Variants in RAD51B observed in about 807,000 individuals in gnomAD.
RAD51B encodes RAD51 paralog B.
In RAD51B, 38 loss-of-function variants were observed where a neutral mutation model predicts 42.2. That is an observed-to-expected ratio of 0.90 (90% CI 0.70 to 1.18). The LOEUF (loss-of-function observed/expected upper bound fraction) is 1.18, where lower values mean the gene tolerates loss of function less well. RAD51B is among the 50% of genes most tolerant of loss of function. The pLI is 0.00. For missense variants in RAD51B, 373 were observed against 400.7 expected (o/e 0.93, Z 0.59); for synonymous variants, 154 against 145.2 (o/e 1.06, Z -0.43).
chr14:68,337,675 C>T (rs2082485182), intron 8 of RAD51B, among the ~76,000 whole-genome samples: 1 of 152,192 alleles, frequency 6.6e-6, no homozygotes, highest in African/African-American at 2.4e-5. Flanking sequence ...GGGGACAGAG[C>T]AGGGGTATTT....
At chr14:68,480,768 G>A (rs1883116257), downstream of RAD51B, among the ~76,000 whole-genome samples, 2 of 152,054 alleles carry the variant, frequency 1.3e-5, no homozygotes, top group South Asian at 4.1e-4. Context: ...CTCTTTCCTT[G>A]TTTTTCTCAA....
chr14:67,848,794 T>G (rs1308440322), intron 4 of RAD51B, among the ~76,000 whole-genome samples: 1 of 152,194 alleles, frequency 6.6e-6, no homozygotes, highest in African/African-American at 2.4e-5. Flanking sequence ...ACAAATTCCC[T>G]CAGTGTTTTC....
intron 7 of RAD51B, among the ~76,000 whole-genome samples, chr14:68,164,588 G>A (rs1216051848): frequency 1.3e-5 from 2 of 152,166 alleles, no homozygotes; most frequent in Admixed American, 6.5e-5. Flanking sequence ...GAGTGTGGTG[G>A]GAACCAGCCA....
At chr14:68,481,179 T>C (rs536608278), downstream of RAD51B, among the ~76,000 whole-genome samples, 2 of 152,366 alleles carry the variant, frequency 1.3e-5, no homozygotes, top group South Asian at 2.1e-4. Context: ...AACCTTGAGA[T>C]AGGTGAGGAA....
At chr14:68,303,622 G>A (rs965412188) in intron 8 of RAD51B, among the ~76,000 whole-genome samples, 3 of 152,182 alleles carry the variant, frequency 2.0e-5, no homozygotes, top group African/African-American at 7.2e-5. Flanking sequence ...TTGGGGTGGG[G>A]TTAGCCCTAA....
downstream of RAD51B, among the ~76,000 whole-genome samples, chr14:68,481,090 C>T (rs538762602): frequency 6.6e-6 from 1 of 152,294 alleles, no homozygotes; most frequent in South Asian, 2.1e-4. Flanking sequence ...TAGGTACTTT[C>T]AGTTTAAAAC....
At chr14:68,209,817 T>G (rs1415412346) in intron 7 of RAD51B, among the ~76,000 whole-genome samples, 1 of 152,182 alleles carries the variant, frequency 6.6e-6, no homozygotes, top group East Asian at 1.9e-4. Flanking sequence ...ATTTTCTTCC[T>G]CCTGCTAATC....
chr14:68,447,015 G>T (rs1354738139), intron 9 of RAD51B, among the ~76,000 whole-genome samples: 5 of 152,106 alleles, frequency 3.3e-5, no homozygotes, highest in African/African-American at 4.8e-5. Flanking sequence ...TCAGGAGTTC[G>T]AGACCAGCCT....
chr14:67,920,701 A>G (rs867181219), intron 7 of RAD51B, among the ~76,000 whole-genome samples: 5 of 152,184 alleles, frequency 3.3e-5, no homozygotes, highest in African/African-American at 7.2e-5. Context: ...CATTGATGGC[A>G]TATGTGCTGT....
intron 7 of RAD51B, among the ~76,000 whole-genome samples, chr14:68,050,793 G>T: frequency 1.3e-5 from 2 of 151,960 alleles, no homozygotes; most frequent in African/African-American, 2.4e-5. Context: ...TTTATTATAT[G>T]CAAATACATT....
chr14:68,518,875 C>T (rs536771324), intron 10 of RAD51B, among the ~76,000 whole-genome samples: 10 of 152,194 alleles, frequency 6.6e-5, no homozygotes, highest in East Asian at 1.9e-4. Flanking sequence ...ATTCAAAAAA[C>T]GAAGGATTTA....
At chr14:68,456,869 A>ATT (rs71129889) in intron 9 of RAD51B, among the ~76,000 whole-genome samples, 7 of 66,456 alleles carry the variant, frequency 1.1e-4, no homozygotes, top group Non-Finnish European at 2.1e-4. Context: ...CAATGGAATG[A>ATT]TTTTTTTTTT....
At chr14:68,143,799 GTA>G (rs1166425847) in intron 7 of RAD51B, among the ~76,000 whole-genome samples, 2 of 151,972 alleles carry the variant, frequency 1.3e-5, no homozygotes, top group African/African-American at 4.8e-5. Flanking sequence ...TGGTGGAAGG[GTA>G]TTGTAAGTGT....
At chr14:68,122,881 G>T (rs959157102) in intron 7 of RAD51B, among the ~76,000 whole-genome samples, 2 of 152,060 alleles carry the variant, frequency 1.3e-5, no homozygotes, top group East Asian at 3.8e-4. Context: ...CAGTGGTAAT[G>T]GAACAAAATC....
intron 10 of RAD51B, among the ~76,000 whole-genome samples, chr14:68,623,464 G>A (rs1243836619): frequency 6.6e-6 from 1 of 152,236 alleles, no homozygotes; most frequent in Non-Finnish European, 1.5e-5. Flanking sequence ...TAGTTTCACA[G>A]GCTGTTCACT....
At chr14:68,650,000 C>A (rs758952857) in intron 10 of RAD51B, among the ~76,000 whole-genome samples, 1 of 152,208 alleles carries the variant, frequency 6.6e-6, no homozygotes, top group Non-Finnish European at 1.5e-5. Context: ...TGAGAGCCAC[C>A]TCTTGGCCCA....
At chr14:67,906,680 T>C (rs13353140) in intron 7 of RAD51B, among the ~76,000 whole-genome samples, 2,286 of 151,988 alleles carry the variant, frequency 0.015, 71 homozygotes, top group African/African-American at 0.05. Flanking sequence ...TTTGTGCACA[T>C]AGTGATATTT....
At chr14:68,266,582 T>C (rs1316106632) in intron 7 of RAD51B, among the ~76,000 whole-genome samples, 1 of 152,226 alleles carries the variant, frequency 6.6e-6, no homozygotes, top group Non-Finnish European at 1.5e-5. Context: ...ATGCTTGGTA[T>C]GCCAGGGTGC....
At chr14:68,634,669 G>T (rs1892306274) in intron 10 of RAD51B, among the ~76,000 whole-genome samples, 1 of 152,140 alleles carries the variant, frequency 6.6e-6, no homozygotes, top group Non-Finnish European at 1.5e-5. Context: ...GCCACCACTA[G>T]TCAGCCAGTA....
Sources: gnomAD v4.1 joint callset for allele counts (sites outside exome capture counted in the v4.1 genomes callset) on GRCh38, gnomAD v4.1.1 for gene constraint, MANE v1.5 for transcripts, NCBI Gene and HGNC (gene_info 2026-07-23, HGNC 2026-07-21) for gene names.